The following SPATA20 variants were observed in gnomAD, a reference collection of about 807,000 sequenced individuals.
SPATA20 encodes the protein spermatogenesis-associated protein 20.
In SPATA20, 74 loss-of-function variants were observed where a neutral mutation model predicts 98.9. That is an observed-to-expected ratio of 0.75 (90% CI 0.62 to 0.91). The LOEUF (loss-of-function observed/expected upper bound fraction) is 0.91. Ranked by LOEUF, SPATA20 falls within the 40% of genes least tolerant of loss-of-function variation. SPATA20 has a pLI of 0.00. For synonymous variants in SPATA20, 430 were observed against 440.5 expected, an observed-to-expected ratio of 0.98 and a Z score of 0.30; for missense variants, 1,016 against 1,069.8, an observed-to-expected ratio of 0.95 and a Z score of 0.70.
chr17:50,554,369 T>C lies in SPATA20; in HGVS notation c.2076T>C (p.Phe692=), dbSNP rs776157501. The C allele has an allele frequency of 3.7e-6, 6 of 1,614,144 alleles. No individual in the cohort carries two copies. The South Asian group carries it at 5.5e-5, about 15-fold the overall frequency. ...AGTGTGTGTGCCTATTGACCGCCTTTTCCGAGCGCATGCGTCGTGTCCCGG... is the reference window on the plus strand; with the variant it reads ...AGTGTGTGTGCCTATTGACCGCCTTCTCCGAGCGCATGCGTCGTGTCCCGG... ...MDKCVCLLTA[F]SERMRRVPVA... The change falls in exon 15 of 17, where the codon TTT becomes TTC. Residue 692 remains phenylalanine, a synonymous_variant. Coordinates refer to ENST00000006658, the MANE Select transcript of SPATA20 (RefSeq NM_022827.4).
At position 50,551,041 on chromosome 17, in the gene SPATA20, G is replaced by C; in HGVS notation, c.1427G>C (p.Arg476Pro). The change falls in exon 12 of 17, where the codon CGG becomes CCG. Residue 476 changes from arginine to proline, a missense_variant. Arg to Pro is a moderately radical substitution (Grantham distance 103, BLOSUM62 -2). Transcript: ENST00000006658. ...ELQGQNVLTV[R>P]YSLELTAARF... ...CAGGGCCAGAATGTGCTGACCGTCC[G>C]GTACTCGCTGGAGCTGACTGCTGCC... 1 of 1,613,414 alleles carries C rather than the reference G, an allele frequency of 6.2e-7. No homozygotes were observed. The highest frequency in any genetic ancestry group is 8.5e-7 in the Non-Finnish European group (1 of 1,180,008).
chr17:50,554,556 C>T, intron 15 of SPATA20, 106 bp downstream of exon 15: 3 of 1,200,844 alleles, frequency 2.5e-6, no homozygotes, highest in Non-Finnish European at 3.6e-6. Context: ...CCCCAGAGCT[C>T]AGGTCTGTGT....
In SPATA20 at chr17:50,548,564, G is replaced by C. The variant is rs760666756; in HGVS notation, c.307G>C (p.Gly103Arg). ...AYNPVDWYPW[G>R]QEAFDKARKE... ...CCCTGCTGGGTCTAGGTACCCCTGG[G>C]GACAGGAAGCCTTCGACAAGGCCAG... The change falls in exon 4 of 17, where the codon GGA becomes CGA. Residue 103 changes from glycine to arginine, a missense_variant. By Grantham distance (125) the Gly-to-Arg change is moderately radical. Coordinates refer to ENST00000006658, the MANE Select transcript of SPATA20 (RefSeq NM_022827.4). 3.7e-6 allele frequency: 6 copies of C among 1,613,680 alleles called. No individual in the cohort carries two copies. The highest frequency in any genetic ancestry group is 4.2e-6 in the Non-Finnish European group (5 of 1,179,844).
At chr17:50,555,123 C>T (rs532488679) in intron 15 of SPATA20, 109 bp from the exon 16 acceptor site, 11 of 835,716 alleles carry the variant, frequency 1.3e-5, no homozygotes, top group East Asian at 2.6e-5. Flanking sequence ...GTCCCTGTTC[C>T]TTCTTAGAGA....
At position 50,550,750 on chromosome 17, in the gene SPATA20, G is replaced by C. The variant is rs2034998402; in HGVS notation, c.1216G>C (p.Glu406Gln). ...YSAEDADSPP[E>Q]RGQRPKEGAY... ...CGCAGAAGATGCAGACTCGCCCCCA[G>C]AGCGGGGCCAGCGGCCCAAAGAGGG... The change falls in exon 11 of 17, where the codon GAG (glutamate) becomes CAG (glutamine). Residue 406 changes from glutamate to glutamine, a missense_variant. Coordinates refer to ENST00000006658, the MANE Select transcript of SPATA20 (RefSeq NM_022827.4). The C allele has an allele frequency of 6.2e-7, 1 of 1,613,052 alleles. No individual in the cohort carries two copies. The highest frequency in any genetic ancestry group is 8.5e-7 in the Non-Finnish European group (1 of 1,179,956).
chr17:50,550,229 G>T lies in SPATA20; in HGVS notation c.1015G>T (p.Asp339Tyr). The change falls in exon 9 of 17, where the codon GAC becomes TAC. Residue 339 changes from aspartate to tyrosine, a missense_variant. Asp to Tyr is a radical substitution (Grantham distance 160). Transcript: ENST00000006658. ...VGQGFHRYST[D>Y]RQWHVPHFEK... ...ACAGGGCTTTCACCGCTACTCCACAGACCGCCAGTGGCACGTCCCTCACTT... is the reference window on the plus strand; with the variant it reads ...ACAGGGCTTTCACCGCTACTCCACATACCGCCAGTGGCACGTCCCTCACTT... 1 of 1,612,132 alleles carries T rather than the reference G, an allele frequency of 6.2e-7. No homozygotes were observed. The highest frequency in any genetic ancestry group is 8.5e-7 in the Non-Finnish European group (1 of 1,179,098).
At chr17:50,554,505 G>A (rs1362724762) in intron 15 of SPATA20, 55 bp downstream of exon 15, 5 of 1,563,140 alleles carry the variant, frequency 3.2e-6, no homozygotes, top group Non-Finnish European at 4.4e-6. Flanking sequence ...AGTTGGGGCT[G>A]CGATGGCAGA....
rs758918377 is a variant in SPATA20 at position 50,549,504 on chromosome 17, C to T, written c.862+17C>T. The T allele has an allele frequency of 2.2e-5, 36 of 1,605,244 alleles. No individual in the cohort carries two copies. Among genetic ancestry groups the T allele is most frequent in the South Asian group, 7.7e-5 (7 of 90,500 alleles). ...CCACGCCGGGTCAGTGCCCCACGCC[C>T]GCCTTAGCCCAGGCTTTGGCCTTCT... is the stretch of plus-strand genomic sequence containing the variant. On this transcript the variant is annotated intron_variant, in intron 7 of 16. Transcript: ENST00000006658.
At position 50,551,094 on chromosome 17, in the gene SPATA20, C is replaced by T. The variant is rs548494887; in HGVS notation, c.1480C>T (p.Arg494Trp). The T allele has an allele frequency of 4.2e-5, 68 of 1,612,904 alleles. No homozygotes were observed. Among genetic ancestry groups the T allele is most frequent in the East Asian group, 1.3e-4 (6 of 44,882 alleles). ...CTTTGGCTTGGATGTGGAGGCCGTG[C>T]GGACCTTGCTCAATTCAGGGCTGGA... ...ARFGLDVEAV[R>W]TLLNSGLEKL... The change falls in exon 12 of 17, where the codon CGG becomes TGG. Residue 494 changes from arginine to tryptophan, a missense_variant. Physicochemically the swap from Arg to Trp is moderately radical, Grantham distance 101 (BLOSUM62 -3). Transcript: ENST00000006658.
rs2034970607 is a variant in SPATA20, at chr17:50,549,287, G to A, written c.662G>A (p.Trp221Ter). ...RTVLLRIREQ[W>*]KQNKNTLLEN... Reference sequence around the variant, plus strand: ...CAGGTGTGCCCCCACCTCCCGCAGTGGAAACAGAACAAGAACACCCTGCTA... The same window carrying A: ...CAGGTGTGCCCCCACCTCCCGCAGTAGAAACAGAACAAGAACACCCTGCTA... Residue 221 changes from tryptophan (W) to a stop codon, truncating the protein, a stop_gained and splice_region_variant, in exon 7 of 17, where the codon TGG becomes TAG. Coordinates refer to ENST00000006658, the MANE Select transcript of SPATA20 (RefSeq NM_022827.4). LOFTEE classifies it high-confidence loss of function. The A allele has an allele frequency of 6.2e-7, 1 of 1,609,528 alleles. No homozygotes were observed. Among genetic ancestry groups the A allele is most frequent in the Non-Finnish European group, 8.5e-7 (1 of 1,177,280 alleles).
At chr17:50,555,348 C>T (rs1214942517) in intron 16 of SPATA20, 36 bp downstream of exon 16, 1 of 1,600,878 alleles carries the variant, frequency 6.2e-7, no homozygotes, top group Non-Finnish European at 8.6e-7. Context: ...GCCACCTCCC[C>T]AGAGCTGCCC....
At chr17:50,548,639 G>A (rs757035510) in intron 4 of SPATA20, 21 bp downstream of exon 4, 124 of 1,610,676 alleles carry the variant, frequency 7.7e-5, no homozygotes, top group Non-Finnish European at 9.8e-5. Context: ...CACCTTCCCT[G>A]ATGTGGGGGT....
At position 50,551,668 on chromosome 17, in the gene SPATA20, T is replaced by A. The variant is rs2035018698; in HGVS notation, c.1734T>A (p.Thr578=). 6.3e-7 allele frequency: 1 copy of A among 1,588,272 alleles called. No individual in the cohort carries two copies. Among genetic ancestry groups the A allele is most frequent in the African/African-American group, 1.3e-5 (1 of 74,508 alleles). The change falls in exon 13 of 17, where the codon ACT becomes ACA. Residue 578 remains threonine (T), a synonymous_variant. Coordinates refer to ENST00000006658, the MANE Select transcript of SPATA20 (RefSeq NM_022827.4). ...CCTGCTACACCGGCCCTGGGGGGAC[T>A]GTGGAGCACAGGTTGGGGGCTGGGT... The part of the protein sequence containing the change: ...MRTCYTGPGG[T]VEHSNPPCWG...
rs1210781447 is a variant in SPATA20, at chr17:50,550,538, C to T, written c.1101C>T (p.Leu367=). The change falls in exon 10 of 17, where the codon CTC becomes CTT. Residue 367 remains leucine, a splice_region_variant and synonymous_variant. Coordinates refer to ENST00000006658, the MANE Select transcript of SPATA20 (RefSeq NM_022827.4). ...GTCTCCTTTCTTCCCTTTCTTAGCT[C>T]TCTGGTGATGAATTCTACTCTGACG... ...LAVAYSQAFQ[L]SGDEFYSDVA... is the part of the protein sequence containing the mutation. 6.2e-7 allele frequency: 1 copy of T among 1,614,032 alleles called. No individual in the cohort carries two copies. Among genetic ancestry groups the T allele is most frequent in the Non-Finnish European group, 8.5e-7 (1 of 1,179,912 alleles).
chr17:50,554,110 C>T (rs1375399713), intron 14 of SPATA20, 141 bp from the exon 15 acceptor site: 17 of 719,080 alleles, frequency 2.4e-5, no homozygotes, highest in Non-Finnish European at 3.1e-5. Context: ...GGCATCCACA[C>T]CCAGAGCGGG....
Position 50,547,226 on chromosome 17 carries a change from C to G in SPATA20, c.18C>G (p.Ala6=). 7 of 1,416,778 alleles carry G rather than the reference C, an allele frequency of 4.9e-6. No homozygotes were observed. Among genetic ancestry groups the G allele is most frequent in the Non-Finnish European group, 6.4e-6 (7 of 1,095,344 alleles). 87.8% of individuals were successfully genotyped at this position (1,416,778 alleles called of 1,614,324 possible). Residue 6 remains alanine, a synonymous_variant, in exon 1 of 17, where the codon GCC becomes GCG. Coordinates refer to ENST00000006658, the MANE Select transcript of SPATA20 (RefSeq NM_022827.4). MLGAR[A]WLGRVLLLPR... is the part of the protein sequence containing the mutation. ...GAGCAGCCATGCTGGGCGCGCGGGCCTGGTTGGGCCGCGTCCTTCTGCTGC... is the reference window on the plus strand; with the variant it reads ...GAGCAGCCATGCTGGGCGCGCGGGCGTGGTTGGGCCGCGTCCTTCTGCTGC...
rs1199004926 is a variant in SPATA20, at chr17:50,552,566, T to C, written c.1957+386T>C. Among the ~76,000 whole-genome samples, 12 of 52,476 alleles carry C rather than the reference T, an allele frequency of 2.3e-4. 1 individual carries two copies. The Admixed American group carries it at 2.5e-3, about 11-fold the overall frequency. The allele number at this position is 52,476 out of a possible 152,430, so 34.4% of individuals were successfully genotyped here. On this transcript the variant is annotated intron_variant, in intron 14 of 16. Coordinates refer to ENST00000006658, the MANE Select transcript of SPATA20 (RefSeq NM_022827.4). The stretch of plus-strand genomic sequence containing the variant: ...TCTTTTCTTTCTCTCTTTCTTTCTC[T>C]TTTTTTTTTTTTTTTGAGACAGGGT...
In SPATA20 at chr17:50,550,098, C is replaced by T. The variant is rs1388945650; in HGVS notation, c.976C>T (p.Arg326Trp). Residue 326 changes from arginine to tryptophan, a missense_variant, in exon 8 of 17, where the codon CGG (arginine) becomes TGG (tryptophan). By Grantham distance (101) the Arg-to-Trp change is moderately radical. Coordinates refer to ENST00000006658, the MANE Select transcript of SPATA20 (RefSeq NM_022827.4). ...GAAAATGATGGCTAACGGGGGCATC[C>T]GGGACCATGTGGGGCAGGTGACGGG... is the stretch of plus-strand genomic sequence containing the variant. ...TLKMMANGGIRDHVGQGFHRY... is the reference protein window; with the variant it reads ...TLKMMANGGIWDHVGQGFHRY... The T allele has an allele frequency of 6.2e-6, 10 of 1,612,522 alleles. No individual in the cohort carries two copies. The highest frequency in any genetic ancestry group is 3.3e-5 in the South Asian group (3 of 91,002).
chr17:50,554,132 A>G, intron 14 of SPATA20, 119 bp from the exon 15 acceptor site: 1 of 855,170 alleles, frequency 1.2e-6, no homozygotes, highest in Non-Finnish European at 1.9e-6. Context: ...AAGGGGCAGG[A>G]TGGGCAGGGC....
Sources: gnomAD v4.1 joint callset for allele counts (sites outside exome capture counted in the v4.1 genomes callset) on GRCh38, gnomAD v4.1.1 for gene constraint, MANE v1.5 for transcripts, NCBI Gene and HGNC (gene_info 2026-07-23, HGNC 2026-07-21) for gene names.